Variants in PRRG1 observed in about 807,000 individuals in gnomAD.
The protein encoded by PRRG1 is transmembrane gamma-carboxyglutamic acid protein 1.
A neutral mutation model predicts 11.8 loss-of-function variants in PRRG1; 5 were observed. The ratio of observed to expected loss-of-function variants is 0.42; its 90% CI spans 0.22 to 0.89. PRRG1 has a LOEUF of 0.89. Among genes scored for constraint, PRRG1 ranks in the 40% least tolerant of loss-of-function variants. PRRG1 has a pLI of 0.28. For synonymous variants in PRRG1, 66 were observed against 60.4 expected (o/e 1.09, Z -0.43); for missense variants, 155 against 166.1 (o/e 0.93, Z 0.37).
At chrX:37,407,763 G>A (rs5963414) in intron 2 of PRRG1, among the ~76,000 whole-genome samples, 33,041 of 110,980 alleles carry the variant, frequency 0.3, 7,089 homozygotes, top group African/African-American at 0.77. Context: ...ATAAAAATGA[G>A]GTTATTTGAC....
intron 2 of PRRG1, among the ~76,000 whole-genome samples, chrX:37,408,335 TGAG>T (rs1289984333): frequency 8.9e-6 from 1 of 112,037 alleles, no homozygotes; most frequent in Non-Finnish European, 1.9e-5. Flanking sequence ...GCCAGTTATA[TGAG>T]GAGGCTGGAG....
intron 3 of PRRG1, among the ~76,000 whole-genome samples, chrX:37,426,743 A>G (rs781989313): frequency 7.0e-4 from 79 of 112,583 alleles, no homozygotes; most frequent in African/African-American, 2.5e-3. Flanking sequence ...AAAAGAATAT[A>G]TCATCCATAA....
At chrX:37,447,037 T>A (rs1933090210) in intron 3 of PRRG1, among the ~76,000 whole-genome samples, 1 of 111,717 alleles carries the variant, frequency 9.0e-6, no homozygotes, top group Non-Finnish European at 1.9e-5. Flanking sequence ...AACATGAGTT[T>A]TATTTTTTTT....
chrX:37,406,506 C>T (rs1556382041), intron 2 of PRRG1, among the ~76,000 whole-genome samples: 2 of 109,323 alleles, frequency 1.8e-5, no homozygotes, highest in African/African-American at 6.6e-5. Flanking sequence ...AAGCTTGATA[C>T]TATATATATA....
At position 37,349,705 on chromosome X, in the gene PRRG1, G is replaced by A. The variant is rs931499310; in HGVS notation, c.-42+310G>A. 1.1e-3 allele frequency among the ~76,000 whole-genome samples: 118 copies of A among 111,479 alleles called. 1 individual carries two copies. The highest frequency in any genetic ancestry group is 2.0e-3 in the Non-Finnish European group (107 of 52,959). On this transcript the variant is annotated intron_variant, in intron 1 of 3. Transcript: ENST00000378628. ...CGAGGCTTGCCAACGGTGCTGGAGG[G>A]TGTCCCAGCTTCAAGTTCAGTCCCC...
chrX:37,371,981 C>A (rs1930775932), intron 1 of PRRG1, among the ~76,000 whole-genome samples: 1 of 112,996 alleles, frequency 8.8e-6, no homozygotes, highest in South Asian at 3.6e-4. Flanking sequence ...TGAAGCAACA[C>A]CACAAGAATC....
intron 1 of PRRG1, among the ~76,000 whole-genome samples, chrX:37,396,234 G>A (rs1357333320): frequency 8.0e-5 from 9 of 112,307 alleles, no homozygotes; most frequent in African/African-American, 2.9e-4. Context: ...TAAAAGCTGT[G>A]GTACTGGACA....
intron 2 of PRRG1, among the ~76,000 whole-genome samples, chrX:37,414,235 C>T (rs1276254748): frequency 2.7e-5 from 3 of 111,468 alleles, no homozygotes; most frequent in African/African-American, 9.8e-5. Context: ...GTTCTTTATA[C>T]ATTTTGGATA....
At chrX:37,363,976 C>T (rs1420090332) in intron 1 of PRRG1, among the ~76,000 whole-genome samples, 1 of 111,724 alleles carries the variant, frequency 9.0e-6, no homozygotes, top group Admixed American at 9.5e-5. Flanking sequence ...TCTCCCCCTA[C>T]CTAACACCCC....
At chrX:37,375,173 A>C (rs1459323688) in intron 1 of PRRG1, among the ~76,000 whole-genome samples, 2 of 111,116 alleles carry the variant, frequency 1.8e-5, no homozygotes, top group Non-Finnish European at 3.8e-5. Context: ...TAGGGAGAGA[A>C]GTGTTCTATG....
intron 1 of PRRG1, among the ~76,000 whole-genome samples, chrX:37,396,285 AC>A (rs1347896972): frequency 2.7e-5 from 3 of 112,315 alleles, no homozygotes; most frequent in Non-Finnish European, 5.6e-5. Flanking sequence ...CAAGAAATGC[AC>A]ACAGAGAAGA....
At chrX:37,441,303 T>C (rs1167758646) in intron 3 of PRRG1, 6 of 758,008 alleles carry the variant, frequency 7.9e-6, no homozygotes, top group Non-Finnish European at 9.3e-6. Context: ...AACTAAAAAC[T>C]GGACACAGGT....
chrX:37,419,652 A>G (rs782723033), intron 2 of PRRG1, among the ~76,000 whole-genome samples: 59 of 111,535 alleles, frequency 5.3e-4, no homozygotes, highest in African/African-American at 1.8e-3. Flanking sequence ...TTTGTCTTCT[A>G]ATTGTGAACC....
intron 1 of PRRG1, among the ~76,000 whole-genome samples, chrX:37,384,342 T>C (rs962286905): frequency 8.9e-6 from 1 of 111,766 alleles, no homozygotes; most frequent in Non-Finnish European, 1.9e-5. Flanking sequence ...CTATCTCCTA[T>C]GTGTGGCTTA....
intron 3 of PRRG1, among the ~76,000 whole-genome samples, chrX:37,452,072 G>T (rs1033511838): frequency 8.2e-4 from 92 of 111,970 alleles, no homozygotes; most frequent in African/African-American, 2.9e-3. Context: ...TCTTATCAGT[G>T]ACCCATAATA....
chrX:37,371,895 A>G (rs1186742233), intron 1 of PRRG1, among the ~76,000 whole-genome samples: 1 of 113,086 alleles, frequency 8.8e-6, no homozygotes, highest in Non-Finnish European at 1.9e-5. Flanking sequence ...TGCCAGGCTG[A>G]GTGGGTGGAA....
intron 3 of PRRG1, among the ~76,000 whole-genome samples, chrX:37,444,657 G>A (rs995926508): frequency 5.4e-5 from 6 of 110,963 alleles, no homozygotes; most frequent in East Asian, 2.8e-4. Context: ...TATTATTTAC[G>A]CTTTGGGGGA....
intron 3 of PRRG1, among the ~76,000 whole-genome samples, chrX:37,426,921 A>C (rs1307336243): frequency 8.9e-6 from 1 of 112,010 alleles, no homozygotes; most frequent in African/African-American, 3.2e-5. Context: ...ACATAAAATC[A>C]CTTGAGTTTT....
rs927594724 is a variant in PRRG1 at position 37,453,770 on chromosome X, G to T, written c.*149G>T. ...CACTTGTTTTATTTTCTTTAGTTTT[G>T]TTTCTTGTTATAGAATCATTATCCA... is the stretch of plus-strand genomic sequence containing the variant. On this transcript the variant is annotated 3_prime_UTR_variant, in exon 4 of 4. Transcript: ENST00000378628. The T allele has an allele frequency of 4.6e-6, 3 of 648,974 alleles. No individual in the cohort carries two copies. The highest frequency in any genetic ancestry group is 6.4e-6 in the Non-Finnish European group (3 of 466,003). 53.5% of individuals were successfully genotyped at this position (648,974 alleles called of 1,213,427 possible).
Sources: gnomAD v4.1 joint callset for allele counts (sites outside exome capture counted in the v4.1 genomes callset) on GRCh38, gnomAD v4.1.1 for gene constraint, MANE v1.5 for transcripts, NCBI Gene and HGNC (gene_info 2026-07-23, HGNC 2026-07-21) for gene names.